AMPH: variants seen among roughly 807,000 people sequenced by gnomAD.
AMPH encodes the protein amphiphysin (Stiff-Mann syndrome with breast cancer 128kD autoantigen).
Under a neutral mutation model 99.1 loss-of-function variants are expected in AMPH, and 49 were observed. The ratio of observed to expected loss-of-function variants is 0.49; its 90% CI spans 0.39 to 0.63. AMPH has a LOEUF of 0.63. Among genes scored for constraint, AMPH ranks in the 20% least tolerant of loss-of-function variants. The pLI, the probability that AMPH is intolerant of heterozygous loss-of-function variation, is 0.00. For synonymous variants in AMPH, 314 were observed against 317.3 expected, an observed-to-expected ratio of 0.99 and a Z score of 0.11; for missense variants, 759 against 863.4, an observed-to-expected ratio of 0.88 and a Z score of 1.52.
chr7:38,384,566 T>C lies in AMPH; in HGVS notation c.*252A>G. On this transcript the variant is annotated 3_prime_UTR_variant, in exon 21 of 21. Transcript: ENST00000356264. The stretch of plus-strand genomic sequence containing the variant: ...GGTGGGAGGGGATCAAGTACAAGAG[T>C]CTCCACAGCTTGGACAAAGCACAAA... 2.6e-6 allele frequency: 1 copy of C among 387,734 alleles called. No homozygotes were observed. Among genetic ancestry groups the C allele is most frequent in the Non-Finnish European group, 4.8e-6 (1 of 206,932 alleles). 24.0% of individuals were successfully genotyped at this position (387,734 alleles called of 1,614,324 possible).
intron 11 of AMPH, among the ~76,000 whole-genome samples, chr7:38,441,427 C>A (rs1440063879): frequency 6.6e-6 from 1 of 152,014 alleles, no homozygotes; most frequent in Non-Finnish European, 1.5e-5. Context: ...AATATATATT[C>A]TTTTCAAGTG....
At chr7:38,502,243 C>T (rs1789165074) in intron 3 of AMPH, among the ~76,000 whole-genome samples, 1 of 152,124 alleles carries the variant, frequency 6.6e-6, no homozygotes, top group African/African-American at 2.4e-5. Context: ...TTGCAAGTAA[C>T]CCTTATAAAG....
At chr7:38,438,088 T>C (rs1786357581) in intron 11 of AMPH, among the ~76,000 whole-genome samples, 1 of 152,194 alleles carries the variant, frequency 6.6e-6, no homozygotes. Context: ...TCCCCAACTT[T>C]TATGTAGGTA....
intron 12 of AMPH, among the ~76,000 whole-genome samples, chr7:38,435,784 G>A (rs1407199505): frequency 6.6e-6 from 1 of 152,174 alleles, no homozygotes; most frequent in African/African-American, 2.4e-5. Flanking sequence ...CAATGGGGAG[G>A]ATGAACACAG....
intron 1 of AMPH, among the ~76,000 whole-genome samples, chr7:38,601,936 T>A (rs1445564844): frequency 6.6e-6 from 1 of 152,218 alleles, no homozygotes; most frequent in Non-Finnish European, 1.5e-5. Context: ...AAGGCCTGTG[T>A]ATTGCTCAGA....
At chr7:38,398,189 A>AC (rs1373357152) in intron 17 of AMPH, among the ~76,000 whole-genome samples, 1 of 150,766 alleles carries the variant, frequency 6.6e-6, no homozygotes, top group Non-Finnish European at 1.5e-5. Flanking sequence ...ACTCAAAAAA[A>AC]AAAAAACAAA....
intron 1 of AMPH, among the ~76,000 whole-genome samples, chr7:38,613,550 G>C (rs10227883): frequency 0.08 from 12,180 of 152,146 alleles, 804 homozygotes; most frequent in African/African-American, 0.17. Flanking sequence ...CTCATTATCC[G>C]CTGTTCTGAG....
intron 1 of AMPH, among the ~76,000 whole-genome samples, chr7:38,549,768 AC>A (rs1176995317): frequency 6.6e-6 from 1 of 152,240 alleles, no homozygotes; most frequent in East Asian, 1.9e-4. Flanking sequence ...AAAATGACCA[AC>A]CATGTTACTA....
At chr7:38,488,987 T>TTG (rs2129019033) in intron 5 of AMPH, among the ~76,000 whole-genome samples, 1 of 151,840 alleles carries the variant, frequency 6.6e-6, no homozygotes, top group Admixed American at 6.6e-5. Flanking sequence ...CAGAAAGTTT[T>TTG]TTTTAATTCT....
intron 1 of AMPH, among the ~76,000 whole-genome samples, chr7:38,568,636 G>C (rs1201481257): frequency 6.6e-6 from 1 of 152,208 alleles, no homozygotes; most frequent in East Asian, 1.9e-4. Flanking sequence ...GTTGCTCCTT[G>C]ATGCAACAGG....
At chr7:38,620,441 GA>G (rs1470000298) in intron 1 of AMPH, among the ~76,000 whole-genome samples, 6 of 150,370 alleles carry the variant, frequency 4.0e-5, no homozygotes, top group African/African-American at 1.5e-4. Context: ...TAATTACAGG[GA>G]AAGGTATTAC....
chr7:38,459,318 C>G (rs1209831761), intron 11 of AMPH, among the ~76,000 whole-genome samples: 3 of 151,998 alleles, frequency 2.0e-5, no homozygotes, highest in Non-Finnish European at 2.9e-5. Context: ...AAAATACCAA[C>G]AACATTTTCA....
At chr7:38,429,393 C>T (rs1785914139) in intron 14 of AMPH, 1 of 1,291,446 alleles carries the variant, frequency 7.7e-7, no homozygotes, top group Admixed American at 2.3e-5. Flanking sequence ...TTCGGAGGGA[C>T]ATGCAGAGTC....
chr7:38,510,258 T>C (rs1789488905), intron 2 of AMPH, among the ~76,000 whole-genome samples: 1 of 152,140 alleles, frequency 6.6e-6, no homozygotes, highest in South Asian at 2.1e-4. Context: ...TGCGTCCCTG[T>C]TGCCTCTCCC....
In AMPH at chr7:38,391,607, A is replaced by G. The variant is rs1314109816; in HGVS notation, c.1878+141T>C. The G allele has an allele frequency of 4.9e-6, 4 of 816,220 alleles. No individual in the cohort carries two copies. In the African/African-American group the frequency reaches 6.9e-5, roughly 14 times the overall value. The allele number at this position is 816,220 out of a possible 1,614,324, so 50.6% of individuals were successfully genotyped here. ...CTATTACTGTAGTCCTGGCTTGTCC[A>G]AGTGATGTTGTGGTGAAGGGAAAGC... On this transcript the variant is annotated intron_variant, in intron 19 of 20. Coordinates refer to ENST00000356264, the MANE Select transcript of AMPH (RefSeq NM_001635.4).
chr7:38,433,027 C>T (rs1190247947), intron 12 of AMPH, among the ~76,000 whole-genome samples: 1 of 152,186 alleles, frequency 6.6e-6, no homozygotes, highest in African/African-American at 2.4e-5. Flanking sequence ...AAGCCACATC[C>T]GATTATGCCC....
Position 38,631,313 on chromosome 7 carries a change from G to T in AMPH, c.39C>A (p.Val13=), listed in dbSNP as rs1393294299. The part of the protein sequence containing the change: ...DIKTGIFAKN[V]QKRLNRAQEK... ...CCTGCGCGCGGTTGAGTCGCTTCTG[G>T]ACGTTCTTGGCGAAGATGCCCGTCT... Residue 13 remains valine (V), a synonymous_variant, in exon 1 of 21, where the codon GTC becomes GTA. Coordinates refer to ENST00000356264, the MANE Select transcript of AMPH (RefSeq NM_001635.4). 6.4e-7 allele frequency: 1 copy of T among 1,551,434 alleles called. No homozygotes were observed. The highest frequency in any genetic ancestry group is 1.9e-5 in the Admixed American group (1 of 52,082).
chr7:38,624,261 A>G (rs1315949666), intron 1 of AMPH, among the ~76,000 whole-genome samples: 1 of 152,114 alleles, frequency 6.6e-6, no homozygotes, highest in African/African-American at 2.4e-5. Context: ...TAATGCATGA[A>G]AAAAAAATTG....
At chr7:38,615,466 C>A (rs763442021) in intron 1 of AMPH, among the ~76,000 whole-genome samples, 1 of 152,142 alleles carries the variant, frequency 6.6e-6, no homozygotes, top group South Asian at 2.1e-4. Context: ...GTGGAATGAA[C>A]GTGCCCCCTT....
Sources: allele counts gnomAD v4.1 joint callset (sites outside exome capture counted in the v4.1 genomes callset), GRCh38; gene constraint gnomAD v4.1.1; transcripts MANE v1.5; gene names NCBI Gene and HGNC (gene_info 2026-07-23, HGNC 2026-07-21).